MRPL13: variants seen among roughly 807,000 people sequenced by gnomAD.
MRPL13 encodes the protein mitochondrial ribosomal protein L13.
MRPL13 carries 33 observed loss-of-function variants against 29.0 expected under a neutral mutation model. That is an observed-to-expected ratio of 1.14 (90% CI 0.86 to 1.52). MRPL13 has a LOEUF of 1.52. MRPL13 is among the 40% of genes most tolerant of loss of function. MRPL13 has a pLI of 0.00. For synonymous variants in MRPL13, 77 were observed against 68.4 expected, an observed-to-expected ratio of 1.13 and a Z score of -0.62; for missense variants, 227 against 216.7, an observed-to-expected ratio of 1.05 and a Z score of -0.30.
intron 6 of MRPL13, among the ~76,000 whole-genome samples, chr8:120,397,436 C>T (rs1244071481): frequency 6.6e-6 from 1 of 152,180 alleles, no homozygotes; most frequent in African/African-American, 2.4e-5. Flanking sequence ...TCCAGCCAAC[C>T]AGTGCAACAG....
In MRPL13 at chr8:120,423,729, G is replaced by C. The variant is rs536511026; in HGVS notation, c.306+1577C>G. ...CAGTATTAAGAGAATGTGGCTTGAA[G>C]AATGCCAGCAAGAAGTACTTCAAGG... is the stretch of plus-strand genomic sequence containing the variant. On this transcript the variant is annotated intron_variant, in intron 4 of 6. Coordinates refer to ENST00000306185, the MANE Select transcript of MRPL13 (RefSeq NM_014078.6). 3.3e-5 allele frequency among the ~76,000 whole-genome samples: 5 copies of C among 152,228 alleles called. No individual in the cohort carries two copies. In the South Asian group the frequency reaches 1.0e-3, roughly 32 times the overall value.
In MRPL13 at chr8:120,427,135, G is replaced by A. The variant is rs192901218; in HGVS notation, c.246-1769C>T. Among the ~76,000 whole-genome samples, 381 of 152,094 alleles carry A rather than the reference G, an allele frequency of 2.5e-3. 2 individuals carry two copies. Among genetic ancestry groups the A allele is most frequent in the African/African-American group, 8.8e-3 (364 of 41,524 alleles). On this transcript the variant is annotated intron_variant, in intron 3 of 6. Coordinates refer to ENST00000306185, the MANE Select transcript of MRPL13 (RefSeq NM_014078.6). ...AAATGACATAAAAATTTTGTTAAAAGTAAAAAACAAAAGTGGATTAATAAT... is the reference window on the plus strand; with the variant it reads ...AAATGACATAAAAATTTTGTTAAAAATAAAAAACAAAAGTGGATTAATAAT...
intron 6 of MRPL13, among the ~76,000 whole-genome samples, chr8:120,402,944 C>G (rs367800910): frequency 2.0e-5 from 3 of 152,076 alleles, no homozygotes; most frequent in African/African-American, 7.2e-5. Flanking sequence ...AAAACCACAA[C>G]TGAGATACCA....
At chr8:120,406,468 G>C (rs1375790250) in intron 6 of MRPL13, among the ~76,000 whole-genome samples, 1 of 151,928 alleles carries the variant, frequency 6.6e-6, no homozygotes, top group East Asian at 1.9e-4. Context: ...GTCAGGTCCT[G>C]CTGTGGGCGC....
chr8:120,400,252 G>A (rs1335877204), intron 6 of MRPL13, among the ~76,000 whole-genome samples: 1 of 152,076 alleles, frequency 6.6e-6, no homozygotes, highest in African/African-American at 2.4e-5. Flanking sequence ...CTCAGCAAAT[G>A]CAAAGAACTG....
chr8:120,400,750 T>C (rs1056245758), intron 6 of MRPL13, among the ~76,000 whole-genome samples: 1 of 148,376 alleles, frequency 6.7e-6, no homozygotes, highest in Non-Finnish European at 1.5e-5. Context: ...ATAAAAAAAA[T>C]AGACTGCTAG....
intron 5 of MRPL13, chr8:120,415,063 T>C (rs577077217): frequency 3.3e-5 from 5 of 152,172 alleles, no homozygotes; most frequent in Admixed American, 3.3e-4. Flanking sequence ...GAAGAAAGCA[T>C]TGGAATTAGA....
chr8:120,421,396 TATTA>T (rs977179841), intron 4 of MRPL13, among the ~76,000 whole-genome samples: 13 of 152,008 alleles, frequency 8.6e-5, no homozygotes, highest in Non-Finnish European at 7.4e-5. Flanking sequence ...AACTATTAAA[TATTA>T]ATTAAGATAT....
chr8:120,443,167 G>C lies in MRPL13; in HGVS notation c.151+18C>G. On this transcript the variant is annotated intron_variant, in intron 2 of 6. Transcript: ENST00000306185. ...TGAAAACTACAGTGGTTAATGACAG[G>C]TCTAAAATAATACTTACTCAGTGCA... 1 of 1,521,460 alleles carries C rather than the reference G, an allele frequency of 6.6e-7. No individual in the cohort carries two copies. Among genetic ancestry groups the C allele is most frequent in the Non-Finnish European group, 8.8e-7 (1 of 1,134,954 alleles). The allele number at this position is 1,521,460 out of a possible 1,614,324, so 94.2% of individuals were successfully genotyped here.
chr8:120,440,972 A>G (rs1210371908), intron 2 of MRPL13, among the ~76,000 whole-genome samples: 1 of 151,954 alleles, frequency 6.6e-6, no homozygotes, highest in Non-Finnish European at 1.5e-5. Flanking sequence ...GCCAGAGTTC[A>G]GATATACTTT....
intron 4 of MRPL13, among the ~76,000 whole-genome samples, chr8:120,424,881 T>C (rs984443780): frequency 8.5e-5 from 13 of 152,106 alleles, no homozygotes; most frequent in East Asian, 3.8e-4. Context: ...TAATCTACAA[T>C]TGAGATGTTA....
At chr8:120,410,224 A>G (rs563978213) in intron 6 of MRPL13, among the ~76,000 whole-genome samples, 42 of 152,332 alleles carry the variant, frequency 2.8e-4, no homozygotes, top group African/African-American at 9.6e-4. Flanking sequence ...TTTTGTGGCT[A>G]TATACTTGTG....
intron 2 of MRPL13, among the ~76,000 whole-genome samples, chr8:120,438,648 C>T (rs1459869344): frequency 6.6e-6 from 1 of 152,166 alleles, no homozygotes; most frequent in African/African-American, 2.4e-5. Context: ...TCTGCTGATA[C>T]CATTGCTAAG....
At chr8:120,426,261 A>G (rs1812931042) in intron 3 of MRPL13, among the ~76,000 whole-genome samples, 1 of 152,108 alleles carries the variant, frequency 6.6e-6, no homozygotes, top group Non-Finnish European at 1.5e-5. Flanking sequence ...TGGAATCTGC[A>G]AAAAACCTTA....
Position 120,396,106 on chromosome 8 carries a change from A to G in MRPL13, c.535T>C (p.Ter179GlnextTer8), listed in dbSNP as rs754552388. The G allele has an allele frequency of 3.2e-6, 5 of 1,585,578 alleles. No individual in the cohort carries two copies. In the African/African-American group the frequency reaches 4.0e-5, roughly 13 times the overall value. Residue 179 changes from the stop codon to glutamine, a stop_lost, in exon 7 of 7, where the codon TAA (stop) becomes CAA (glutamine). Transcript: ENST00000306185. ...LWTPPEDYRL[*>Q] ...TATTTTCTGCAATTCTTATTCTCTT[A>G]TAGCCGATAATCTTCAGGTCTGAAA... is the stretch of plus-strand genomic sequence containing the variant.
chr8:120,434,926 C>T (rs557448459), intron 2 of MRPL13, among the ~76,000 whole-genome samples: 6 of 152,244 alleles, frequency 3.9e-5, no homozygotes, highest in Admixed American at 3.3e-4. Flanking sequence ...GCTGCAGACT[C>T]TTAATTATAG....
intron 6 of MRPL13, among the ~76,000 whole-genome samples, chr8:120,407,029 C>T (rs1812675899): frequency 6.6e-6 from 1 of 152,214 alleles, no homozygotes; most frequent in African/African-American, 2.4e-5. Context: ...CCACATGCCA[C>T]ATCATTCTGT....
At chr8:120,414,236 A>C in intron 5 of MRPL13, 124 bp from the exon 6 acceptor site, 1 of 782,162 alleles carries the variant, frequency 1.3e-6, no homozygotes, top group South Asian at 4.8e-5. Flanking sequence ...GAAAACATAA[A>C]ATCTTTAAAA....
At chr8:120,416,556 G>T (rs1812806225) in intron 5 of MRPL13, among the ~76,000 whole-genome samples, 1 of 152,114 alleles carries the variant, frequency 6.6e-6, no homozygotes, top group Non-Finnish European at 1.5e-5. Context: ...GTTAACCTAA[G>T]GGGAAATGAG....
Sources: allele counts gnomAD v4.1 joint callset (sites outside exome capture counted in the v4.1 genomes callset), GRCh38; gene constraint gnomAD v4.1.1; transcripts MANE v1.5; gene names NCBI Gene and HGNC (gene_info 2026-07-23, HGNC 2026-07-21).